Variants in DLGAP1 observed in about 807,000 individuals in gnomAD.
DLGAP1 encodes the protein DLG associated protein 1.
A neutral mutation model predicts 90.8 loss-of-function variants in DLGAP1; 11 were observed. That is an observed-to-expected ratio of 0.12 (90% CI 0.08 to 0.20). DLGAP1 has a LOEUF of 0.20. DLGAP1 is among the 10% of genes least tolerant of loss of function. DLGAP1 has a pLI of 1.00. For synonymous variants in DLGAP1, 558 were observed against 540.7 expected (o/e 1.03, Z -0.44); for missense variants, 1,050 against 1,333.8 (o/e 0.79, Z 3.31).
At chr18:4,065,242 A>G (rs879425619) in intron 2 of DLGAP1, among the ~76,000 whole-genome samples, 19 of 152,096 alleles carry the variant, frequency 1.2e-4, no homozygotes, top group African/African-American at 3.9e-4. Flanking sequence ...GGCAAAATCT[A>G]GAAGCATTTC....
At chr18:4,140,129 A>G (rs569495007) in intron 2 of DLGAP1, among the ~76,000 whole-genome samples, 3 of 151,460 alleles carry the variant, frequency 2.0e-5, no homozygotes, top group African/African-American at 7.3e-5. Context: ...GTAAGGACTT[A>G]CTCTTGCCAT....
At chr18:4,078,820 T>A (rs951995257) in intron 2 of DLGAP1, among the ~76,000 whole-genome samples, 11 of 152,148 alleles carry the variant, frequency 7.2e-5, no homozygotes, top group Non-Finnish European at 1.2e-4. Flanking sequence ...ACTTGAGGAT[T>A]CTTAAGTGAA....
Position 3,938,818 on chromosome 18 carries a change from G to T in DLGAP1, c.-72-58678C>A, listed in dbSNP as rs531974695. On this transcript the variant is annotated intron_variant, in intron 3 of 12. Coordinates refer to ENST00000315677, the MANE Select transcript of DLGAP1 (RefSeq NM_004746.4). ...AATAATGGGAGGTGGCTGGAGGCAT[G>T]CTGGCTGCTGGGTGGGAATACACAG... 2.3e-3 allele frequency among the ~76,000 whole-genome samples: 354 copies of T among 152,244 alleles called. 3 individuals carry two copies. Among genetic ancestry groups the T allele is most frequent in the South Asian group, 9.8e-3 (47 of 4,820 alleles).
At chr18:3,961,453 C>T (rs895898723) in intron 3 of DLGAP1, among the ~76,000 whole-genome samples, 2 of 152,184 alleles carry the variant, frequency 1.3e-5, no homozygotes, top group African/African-American at 4.8e-5. Flanking sequence ...AGGCCAGTCC[C>T]TGACATTTTC....
At chr18:4,191,005 C>A (rs765978489) in intron 1 of DLGAP1, among the ~76,000 whole-genome samples, 46 of 152,020 alleles carry the variant, frequency 3.0e-4, no homozygotes, top group Non-Finnish European at 5.9e-4. Flanking sequence ...TTTCATTAAT[C>A]CCTTAATTTA....
chr18:3,908,683 T>A (rs1193371726), intron 3 of DLGAP1, among the ~76,000 whole-genome samples: 2 of 152,230 alleles, frequency 1.3e-5, no homozygotes, highest in Non-Finnish European at 2.9e-5. Context: ...CTCACAAATA[T>A]ACTTTTTCTC....
chr18:3,748,286 C>T (rs11659558), intron 5 of DLGAP1, among the ~76,000 whole-genome samples: 27,382 of 152,180 alleles, frequency 0.18, 2,821 homozygotes, highest in African/African-American at 0.27. Flanking sequence ...CCTTTGTATC[C>T]GGAAGGCTGC....
intron 6 of DLGAP1, 34 bp downstream of exon 6, chr18:3,742,301 G>A (rs1372297865): frequency 3.7e-6 from 6 of 1,600,272 alleles, no homozygotes; most frequent in Non-Finnish European, 5.1e-6. Context: ...TGCCACTAAT[G>A]GCTCCTGACC....
chr18:3,581,794 CA>C (rs2055537066), intron 8 of DLGAP1, 80 bp downstream of exon 8: 1 of 1,551,534 alleles, frequency 6.4e-7, no homozygotes, highest in Non-Finnish European at 8.7e-7. Context: ...GGCAAGAAAG[CA>C]AATCTTCCGG....
At chr18:3,756,890 A>G (rs1237518401) in intron 5 of DLGAP1, among the ~76,000 whole-genome samples, 5 of 152,194 alleles carry the variant, frequency 3.3e-5, no homozygotes, top group African/African-American at 1.2e-4. Flanking sequence ...CTCAAGAAGA[A>G]ATAAAAAATC....
chr18:3,690,102 T>G lies in DLGAP1; in HGVS notation c.1591+39033A>C, dbSNP rs1167142020. On this transcript the variant is annotated intron_variant, in intron 7 of 12. Transcript: ENST00000315677. Reference sequence around the variant, plus strand: ...CCTGCGGGCTGGGTGAGGTTTTTTTTTTTTTTTTTTTTTTTTGACAGTGTT... The same window carrying G: ...CCTGCGGGCTGGGTGAGGTTTTTTTGTTTTTTTTTTTTTTTTGACAGTGTT... 9.5e-5 allele frequency among the ~76,000 whole-genome samples: 10 copies of G among 105,112 alleles called. No homozygotes were observed. The East Asian group carries it at 2.4e-3, about 25-fold the overall frequency. The allele number at this position is 105,112 out of a possible 152,430, so 69.0% of individuals were successfully genotyped here.
intron 2 of DLGAP1, among the ~76,000 whole-genome samples, chr18:4,144,646 GAGA>G (rs2076554846): frequency 6.6e-6 from 1 of 152,174 alleles, no homozygotes; most frequent in Non-Finnish European, 1.5e-5. Flanking sequence ...TGATCCTGCA[GAGA>G]GGATGATAGT....
intron 5 of DLGAP1, among the ~76,000 whole-genome samples, chr18:3,803,393 C>T (rs8092707): frequency 0.15 from 23,299 of 152,044 alleles, 2,068 homozygotes; most frequent in East Asian, 0.32. Context: ...AGGCACAAAC[C>T]CCAGGAGGAG....
At chr18:4,262,263 C>A (rs1280710189) in intron 1 of DLGAP1, among the ~76,000 whole-genome samples, 3 of 152,192 alleles carry the variant, frequency 2.0e-5, no homozygotes, top group African/African-American at 4.8e-5. Context: ...GTACTTAGCA[C>A]TTCTTCTATC....
chr18:3,853,700 A>C (rs1376307405), intron 4 of DLGAP1, among the ~76,000 whole-genome samples: 1 of 151,978 alleles, frequency 6.6e-6, no homozygotes, highest in Non-Finnish European at 1.5e-5. Flanking sequence ...CCAATCCAAA[A>C]ATCTGAAATT....
At chr18:4,322,943 GAAAAAAAAAAAA>G (rs60113288) in intron 1 of DLGAP1, among the ~76,000 whole-genome samples, 3 of 97,600 alleles carry the variant, frequency 3.1e-5, no homozygotes, top group Admixed American at 1.3e-4. Flanking sequence ...CCTGGGCACA[GAAAAAAAAAAAA>G]AAAAAAAAAA....
At chr18:3,806,237 G>A (rs1342530407) in intron 5 of DLGAP1, among the ~76,000 whole-genome samples, 1 of 152,042 alleles carries the variant, frequency 6.6e-6, no homozygotes, top group African/African-American at 2.4e-5. Context: ...AAAACAAAAA[G>A]AAACAAAAAA....
intron 2 of DLGAP1, among the ~76,000 whole-genome samples, chr18:4,027,235 G>A (rs574751492): frequency 1.6e-4 from 25 of 152,140 alleles, no homozygotes; most frequent in African/African-American, 5.8e-4. Context: ...GTCTGGTGTG[G>A]TGGCTCATGC....
chr18:3,748,384 A>G (rs1489947452), intron 5 of DLGAP1, among the ~76,000 whole-genome samples: 2 of 152,254 alleles, frequency 1.3e-5, no homozygotes, highest in Non-Finnish European at 2.9e-5. Context: ...ACTTTGCAAC[A>G]TATTACTGGA....
Sources: allele counts gnomAD v4.1 joint callset (sites outside exome capture counted in the v4.1 genomes callset), GRCh38; gene constraint gnomAD v4.1.1; transcripts MANE v1.5; gene names NCBI Gene and HGNC (gene_info 2026-07-23, HGNC 2026-07-21).